CHST9: variants seen among roughly 807,000 people sequenced by gnomAD.
The protein encoded by CHST9 is GalNAc-4-sulfotransferase 2.
In CHST9, 41 loss-of-function variants were observed where a neutral mutation model predicts 44.4. The ratio of observed to expected loss-of-function variants is 0.92; its 90% CI spans 0.72 to 1.20. The LOEUF (loss-of-function observed/expected upper bound fraction) is 1.20, where lower values mean the gene tolerates loss of function less well. CHST9 is among the 50% of genes most tolerant of loss of function. The probability of loss-of-function intolerance (pLI) is 0.00; values close to 1 mark genes in which losing one functional copy is unlikely to be tolerated. For missense variants in CHST9, 504 were observed against 516.5 expected (o/e 0.98, Z 0.23); for synonymous variants, 171 against 178.4 (o/e 0.96, Z 0.33).
intron 2 of CHST9, among the ~76,000 whole-genome samples, chr18:27,089,808 GA>G (rs1267200465): frequency 3.0e-4 from 32 of 106,818 alleles, no homozygotes; most frequent in Non-Finnish European, 4.8e-4. Flanking sequence ...GTTGTTTCCT[GA>G]CTTTTTTTTT....
At chr18:26,928,633 A>G (rs536809056) in intron 5 of CHST9, among the ~76,000 whole-genome samples, 1 of 152,280 alleles carries the variant, frequency 6.6e-6, no homozygotes, top group African/African-American at 2.4e-5. Context: ...CACAGAATAT[A>G]GGGTGGATTA....
intron 4 of CHST9, among the ~76,000 whole-genome samples, chr18:26,995,829 T>C (rs2056881696): frequency 6.6e-6 from 1 of 152,206 alleles, no homozygotes; most frequent in African/African-American, 2.4e-5. Flanking sequence ...AAATTGCTTA[T>C]TGTGTATCTT....
chr18:27,179,120 G>A (rs1369847650), intron 1 of CHST9, among the ~76,000 whole-genome samples: 1 of 150,034 alleles, frequency 6.7e-6, no homozygotes, highest in East Asian at 2.0e-4. Context: ...ATATATATAT[G>A]AAAACTTTCA....
intron 4 of CHST9, among the ~76,000 whole-genome samples, chr18:26,996,082 T>A (rs1407751106): frequency 6.6e-6 from 1 of 152,218 alleles, no homozygotes; most frequent in Non-Finnish European, 1.5e-5. Flanking sequence ...TGGTCCAATA[T>A]CTGAGTCCAT....
chr18:26,934,301 C>T (rs2055939865), intron 5 of CHST9: 1 of 150,640 alleles, frequency 6.6e-6, no homozygotes, highest in Admixed American at 6.6e-5. Context: ...GCGGCGCGAT[C>T]TCGGCTCACT....
chr18:26,928,387 AGTT>A (rs2055815652), intron 5 of CHST9: 1 of 152,028 alleles, frequency 6.6e-6, no homozygotes, highest in Non-Finnish European at 1.5e-5. Context: ...GAAAGAAGAA[AGTT>A]GTTGTGAGGT....
At chr18:27,166,258 C>A (rs2058789404) in intron 1 of CHST9, among the ~76,000 whole-genome samples, 1 of 152,180 alleles carries the variant, frequency 6.6e-6, no homozygotes, top group Non-Finnish European at 1.5e-5. Context: ...CACCATTTCT[C>A]ACACTTCTTA....
intron 2 of CHST9, among the ~76,000 whole-genome samples, chr18:27,098,500 C>T (rs139518805): frequency 6.6e-6 from 1 of 152,184 alleles, no homozygotes; most frequent in East Asian, 1.9e-4. Flanking sequence ...GACACATGCA[C>T]ATGTATGTTT....
intron 4 of CHST9, among the ~76,000 whole-genome samples, chr18:26,945,532 G>C (rs1409501283): frequency 6.6e-6 from 1 of 152,124 alleles, no homozygotes; most frequent in Non-Finnish European, 1.5e-5. Context: ...AGCCTTTAAG[G>C]ATTGGCTTTT....
At chr18:27,161,283 A>T (rs568800508) in intron 1 of CHST9, among the ~76,000 whole-genome samples, 2,922 of 152,208 alleles carry the variant, frequency 0.019, 84 homozygotes, top group African/African-American at 0.064. Flanking sequence ...CTGCTTTAAT[A>T]GTGTCCCAGA....
At chr18:27,151,835 A>G (rs999017715) in intron 1 of CHST9, among the ~76,000 whole-genome samples, 2 of 152,222 alleles carry the variant, frequency 1.3e-5, no homozygotes, top group African/African-American at 4.8e-5. Context: ...AGCCCCTGTC[A>G]GACTTCTGAC....
chr18:27,151,074 T>C (rs1450485997), intron 1 of CHST9, among the ~76,000 whole-genome samples: 5 of 152,190 alleles, frequency 3.3e-5, no homozygotes, highest in Non-Finnish European at 7.3e-5. Context: ...TAAGTCTTTG[T>C]AAAATGTGTA....
chr18:27,100,577 C>G (rs1414311927), intron 2 of CHST9, among the ~76,000 whole-genome samples: 1 of 152,128 alleles, frequency 6.6e-6, no homozygotes, highest in African/African-American at 2.4e-5. Flanking sequence ...AAAAATTCCC[C>G]TGTGGTTTTA....
At chr18:27,169,307 T>C (rs1412064219) in intron 1 of CHST9, among the ~76,000 whole-genome samples, 4 of 152,148 alleles carry the variant, frequency 2.6e-5, no homozygotes, top group East Asian at 1.9e-4. Context: ...CATAAGCATA[T>C]AGATGATCAC....
chr18:27,112,897 A>G lies in CHST9; in HGVS notation c.121+29792T>C, dbSNP rs138112224. ...GGCAATTTGCTGCCTATATCTTTTT[A>G]AAAATCAATTAGCCGGGCCCGATGG... On this transcript the variant is annotated intron_variant, in intron 2 of 5. Transcript: ENST00000618847. Among the ~76,000 whole-genome samples the G allele has an allele frequency of 4.8e-3, 734 of 152,282 alleles. 5 individuals carry two copies. The highest frequency in any genetic ancestry group is 0.017 in the African/African-American group (714 of 41,552).
intron 1 of CHST9, among the ~76,000 whole-genome samples, chr18:27,153,607 G>A (rs1471028133): frequency 6.8e-6 from 1 of 147,620 alleles, no homozygotes; most frequent in Non-Finnish European, 1.5e-5. Flanking sequence ...CTTCTGTCCT[G>A]TATCTTATAA....
At chr18:27,009,774 T>C (rs952562543) in intron 4 of CHST9, among the ~76,000 whole-genome samples, 2 of 152,204 alleles carry the variant, frequency 1.3e-5, no homozygotes, top group Admixed American at 6.5e-5. Context: ...GAAACAAAGC[T>C]TCTGAGTTCT....
At chr18:27,177,985 A>G (rs2143974162) in intron 1 of CHST9, among the ~76,000 whole-genome samples, 1 of 152,092 alleles carries the variant, frequency 6.6e-6, no homozygotes, top group South Asian at 2.1e-4. Flanking sequence ...AACAACTTCA[A>G]TTTCATCTTC....
chr18:26,995,257 A>AC (rs2056871954), intron 4 of CHST9, among the ~76,000 whole-genome samples: 1 of 111,178 alleles, frequency 9.0e-6, no homozygotes, highest in African/African-American at 4.8e-5. Context: ...CCCCATCTCT[A>AC]CTAAAAAAAA....
Sources: gnomAD v4.1 joint callset for allele counts (sites outside exome capture counted in the v4.1 genomes callset) on GRCh38, gnomAD v4.1.1 for gene constraint, MANE v1.5 for transcripts, NCBI Gene and HGNC (gene_info 2026-07-23, HGNC 2026-07-21) for gene names.